The following ROR1 variants were observed in gnomAD, a reference collection of about 807,000 sequenced individuals.
ROR1 encodes the protein ROR family WNT receptor 1.
Under a neutral mutation model 78.8 loss-of-function variants are expected in ROR1, and 19 were observed. That is an observed-to-expected ratio of 0.24 (90% confidence interval 0.17 to 0.35). The LOEUF (loss-of-function observed/expected upper bound fraction) is 0.35, where lower values mean the gene tolerates loss of function less well. ROR1 is among the 10% of genes least tolerant of loss of function. The pLI is 1.00. For missense variants in ROR1, 917 were observed against 1,177.8 expected, an observed-to-expected ratio of 0.78 and a Z score of 3.24; for synonymous variants, 386 against 433.6, an observed-to-expected ratio of 0.89 and a Z score of 1.36.
intron 1 of ROR1, among the ~76,000 whole-genome samples, chr1:63,985,093 G>A (rs949763703): frequency 9.2e-5 from 14 of 152,110 alleles, no homozygotes; most frequent in Admixed American, 9.2e-4. Context: ...GCTCTAAGCT[G>A]TTAAATTTTT....
rs576102349 is a variant in ROR1 at position 63,819,951 on chromosome 1, G to A, written c.91+45443G>A. ...TGAAACCTGAGTAGGATTTGGATGC[G>A]TAAAATGGTCCAGTTCTGAAAGTAT... is the stretch of plus-strand genomic sequence containing the variant. On this transcript the variant is annotated intron_variant, in intron 1 of 8. Coordinates refer to ENST00000371079, the MANE Select transcript of ROR1 (RefSeq NM_005012.4). 3.9e-5 allele frequency among the ~76,000 whole-genome samples: 6 copies of A among 152,278 alleles called. No individual in the cohort carries two copies. The South Asian group carries it at 6.2e-4, about 16-fold the overall frequency.
At chr1:63,942,541 G>A (rs1645849341) in intron 1 of ROR1, among the ~76,000 whole-genome samples, 1 of 151,942 alleles carries the variant, frequency 6.6e-6, no homozygotes, top group Non-Finnish European at 1.5e-5. Flanking sequence ...TTATTGCTCT[G>A]TATGATGCAT....
At chr1:64,085,661 A>G (rs1178780751) in intron 4 of ROR1, among the ~76,000 whole-genome samples, 3 of 152,210 alleles carry the variant, frequency 2.0e-5, no homozygotes, top group African/African-American at 4.8e-5. Flanking sequence ...TTCCCCAAGC[A>G]GCAAGGAGGG....
chr1:63,780,483 C>T (rs1359256962), intron 1 of ROR1, among the ~76,000 whole-genome samples: 2 of 152,084 alleles, frequency 1.3e-5, no homozygotes, highest in African/African-American at 2.4e-5. Context: ...GAACTTATAG[C>T]GCCTAACACA....
intron 4 of ROR1, among the ~76,000 whole-genome samples, chr1:64,080,175 G>C (rs1327683012): frequency 6.6e-6 from 1 of 152,022 alleles, no homozygotes; most frequent in Non-Finnish European, 1.5e-5. Flanking sequence ...TTCTTTTTTG[G>C]AACCTATGAG....
chr1:63,807,377 T>A (rs896237822), intron 1 of ROR1, among the ~76,000 whole-genome samples: 1 of 152,194 alleles, frequency 6.6e-6, no homozygotes, highest in Non-Finnish European at 1.5e-5. Context: ...TTCTGTCTGA[T>A]GAGAGAAGGG....
At chr1:64,132,067 CCT>C (rs1253630840) in intron 4 of ROR1, among the ~76,000 whole-genome samples, 1 of 152,158 alleles carries the variant, frequency 6.6e-6, no homozygotes, top group African/African-American at 2.4e-5. Flanking sequence ...CTTATTCCTC[CCT>C]GTCCCCAGCC....
chr1:64,156,198 A>C (rs1327278361), intron 7 of ROR1, among the ~76,000 whole-genome samples: 2 of 152,232 alleles, frequency 1.3e-5, no homozygotes, highest in Non-Finnish European at 2.9e-5. Context: ...TATTACTCCC[A>C]TTTTACAGAT....
rs893268326 is a variant in ROR1, at chr1:64,180,684, G to A, written c.*1829G>A. On this transcript the variant is annotated 3_prime_UTR_variant, in exon 9 of 9. Transcript: ENST00000371079. ...TGTATCCTTTTGTTGCTATGCAACT[G>A]TTTAATGATGAAGCTTCAAACCACA... 1.3e-5 allele frequency: 2 copies of A among 152,160 alleles called. No homozygotes were observed. Among genetic ancestry groups the A allele is most frequent in the African/African-American group, 4.8e-5 (2 of 41,446 alleles). 9.4% of individuals were successfully genotyped at this position (152,160 alleles called of 1,614,324 possible). A position where few individuals can be genotyped will look rare whatever the true frequency, so the allele number is the denominator to read the frequency against.
chr1:64,042,271 A>C (rs546637340), intron 2 of ROR1, among the ~76,000 whole-genome samples: 1 of 152,178 alleles, frequency 6.6e-6, no homozygotes, highest in Non-Finnish European at 1.5e-5. Flanking sequence ...GGACCCAGGT[A>C]TCAGTATTTT....
chr1:63,839,354 A>G (rs898219335), intron 1 of ROR1, among the ~76,000 whole-genome samples: 2 of 55,068 alleles, frequency 3.6e-5, no homozygotes, highest in African/African-American at 1.3e-4. Context: ...TCATCTATCT[A>G]TCTATCTATC....
intron 4 of ROR1, 47 bp from the exon 5 acceptor site, chr1:64,137,322 G>T (rs765740644): frequency 6.2e-7 from 1 of 1,609,680 alleles, no homozygotes; most frequent in South Asian, 1.1e-5. Context: ...GCTGTGCCCT[G>T]TATGTATGTG....
At chr1:63,806,517 C>G (rs1644830404) in intron 1 of ROR1, among the ~76,000 whole-genome samples, 2 of 152,172 alleles carry the variant, frequency 1.3e-5, no homozygotes, top group South Asian at 4.1e-4. Flanking sequence ...CGGAGTTTCA[C>G]TGCGTTAGCC....
intron 1 of ROR1, among the ~76,000 whole-genome samples, chr1:63,893,280 C>T (rs1263811723): frequency 6.6e-6 from 1 of 152,130 alleles, no homozygotes. Flanking sequence ...ATGTCAGAGG[C>T]TTGCTGCTCA....
At chr1:64,142,949 A>G (rs1425917362) in intron 7 of ROR1, 1 of 1,182,218 alleles carries the variant, frequency 8.5e-7, no homozygotes, top group East Asian at 4.7e-5. Context: ...TTTTTATAGA[A>G]AAAGATGTTA....
At chr1:63,916,901 A>G (rs1334141726) in intron 1 of ROR1, among the ~76,000 whole-genome samples, 1 of 152,100 alleles carries the variant, frequency 6.6e-6, no homozygotes, top group African/African-American at 2.4e-5. Flanking sequence ...CTCAAGTCTC[A>G]CCATTCTCTC....
chr1:63,888,922 A>G (rs143129104), intron 1 of ROR1, among the ~76,000 whole-genome samples: 145 of 152,280 alleles, frequency 9.5e-4, no homozygotes, highest in African/African-American at 3.2e-3. Context: ...TTAAACCCAT[A>G]AAAGTTCATT....
At chr1:64,077,026 C>T (rs1322198201) in intron 4 of ROR1, among the ~76,000 whole-genome samples, 1 of 152,074 alleles carries the variant, frequency 6.6e-6, no homozygotes, top group East Asian at 1.9e-4. Context: ...TCAGTTTCCT[C>T]ATATAGAAAA....
intron 4 of ROR1, among the ~76,000 whole-genome samples, chr1:64,084,617 A>T (rs59314458): frequency 0.024 from 3,642 of 152,320 alleles, 181 homozygotes; most frequent in African/African-American, 0.084. Context: ...GAGAGGACTC[A>T]TCCTGGTCTT....
Sources: allele counts gnomAD v4.1 joint callset (sites outside exome capture counted in the v4.1 genomes callset), GRCh38; gene constraint gnomAD v4.1.1; transcripts MANE v1.5; gene names NCBI Gene and HGNC (gene_info 2026-07-23, HGNC 2026-07-21).